Variants in RBM5 observed in about 807,000 individuals in gnomAD.
RBM5 encodes RNA-binding protein 5.
RBM5 carries 15 observed loss-of-function variants against 124.6 expected under a neutral mutation model. That is an observed-to-expected ratio of 0.12 (90% CI 0.08 to 0.19). The LOEUF (loss-of-function observed/expected upper bound fraction) is 0.19, where lower values mean the gene tolerates loss of function less well. Among genes scored for constraint, RBM5 ranks in the 10% least tolerant of loss-of-function variants. RBM5 has a pLI of 1.00. For missense variants in RBM5, 580 were observed against 1,026.5 expected (o/e 0.57, Z 5.94); for synonymous variants, 337 against 361.2 (o/e 0.93, Z 0.76).
intron 2 of RBM5, among the ~76,000 whole-genome samples, chr3:50,091,746 T>C (rs528679884): frequency 2.0e-4 from 31 of 152,354 alleles, no homozygotes; most frequent in Admixed American, 1.3e-3. Flanking sequence ...ATGTAGACTC[T>C]AGGCTTGACA....
In RBM5 at chr3:50,093,711, G is replaced by A; in HGVS notation, c.184-9G>A. 1 of 1,610,046 alleles carries A rather than the reference G, an allele frequency of 6.2e-7. No individual in the cohort carries two copies. Among genetic ancestry groups the A allele is most frequent in the Non-Finnish European group, 8.5e-7 (1 of 1,176,790 alleles). On this transcript the variant is annotated splice_polypyrimidine_tract_variant and intron_variant, in intron 3 of 24. Transcript: ENST00000347869. ...GATGTTAATTGTGATTTTGTTTATT[G>A]TAACTCAGAGAGAGCGTGAAAGAAG... is the stretch of plus-strand genomic sequence containing the variant.
rs781643390 is a variant in RBM5, at chr3:50,118,468, A to G, written c.*12A>G. The G allele has an allele frequency of 1.2e-6, 2 of 1,612,718 alleles. No homozygotes were observed. The highest frequency in any genetic ancestry group is 1.7e-6 in the Non-Finnish European group (2 of 1,179,376). On this transcript the variant is annotated 3_prime_UTR_variant, in exon 25 of 25. Transcript: ENST00000347869. ...CTGAGATGGAGTGAGAGAGAGAGAGAGAGAGAGATGACAAGGAGCACAAGA... is the reference window on the plus strand; with the variant it reads ...CTGAGATGGAGTGAGAGAGAGAGAGGGAGAGAGATGACAAGGAGCACAAGA...
At chr3:50,107,670 T>TTA in intron 12 of RBM5, 101 bp downstream of exon 12, 3 of 458,554 alleles carry the variant, frequency 6.5e-6, no homozygotes, top group Non-Finnish European at 1.1e-5. Context: ...CTCTTTTCTT[T>TTA]TCTTTTTTTT....
At chr3:50,112,041 A>G (rs1158081803) in intron 17 of RBM5, 5 of 135,048 alleles carry the variant, frequency 3.7e-5, no homozygotes, top group Non-Finnish European at 8.0e-5. Flanking sequence ...AAGCCTGGCC[A>G]TTTATTTCCC....
At position 50,115,928 on chromosome 3, in the gene RBM5, G is replaced by A; in HGVS notation, c.2042G>A (p.Arg681Gln). Residue 681 changes from arginine to glutamine, a missense_variant, in exon 22 of 25, where the codon CGA becomes CAA. Physicochemically the swap from Arg to Gln is conservative, Grantham distance 43. Around this residue, in one of 6 missense-constraint regions of RBM5, gnomAD observed 234 missense variants for 435.1 expected, o/e 0.54. Coordinates refer to ENST00000347869, the MANE Select transcript of RBM5 (RefSeq NM_005778.4). ...LHKQNMDIYR[R>Q]SRLSEQELEA... ...TAGCAAAACATGGACATCTATCGAC[G>A]ATCCAGGCTGAGCGAGCAGGAGCTG... 6.2e-7 allele frequency: 1 copy of A among 1,613,868 alleles called. No homozygotes were observed. The highest frequency in any genetic ancestry group is 1.1e-5 in the South Asian group (1 of 91,078).
chr3:50,094,946 C>T (rs2090781746), intron 4 of RBM5, among the ~76,000 whole-genome samples: 1 of 152,142 alleles, frequency 6.6e-6, no homozygotes, highest in Non-Finnish European at 1.5e-5. Flanking sequence ...CCTGTAATCC[C>T]AGGCACTTTG....
intron 4 of RBM5, among the ~76,000 whole-genome samples, chr3:50,097,154 A>T (rs908627240): frequency 1.3e-5 from 2 of 151,898 alleles, no homozygotes; most frequent in African/African-American, 4.8e-5. Context: ...CCAGCACTTT[A>T]GGATTCTGAG....
chr3:50,109,210 A>G (rs1167489095), intron 14 of RBM5, among the ~76,000 whole-genome samples: 1 of 152,084 alleles, frequency 6.6e-6, no homozygotes, highest in Non-Finnish European at 1.5e-5. Context: ...AGTAGCTGGA[A>G]CTACAGGTGC....
At position 50,118,377 on chromosome 3, in the gene RBM5, C is replaced by T. The variant is rs2091297018; in HGVS notation, c.2369C>T (p.Ala790Val). 6.2e-7 allele frequency: 1 copy of T among 1,614,140 alleles called. No individual in the cohort carries two copies. Among genetic ancestry groups the T allele is most frequent in the Non-Finnish European group, 8.5e-7 (1 of 1,180,040 alleles). ...KGAGLGAKGSAYGLSGADSYK... is the reference protein window; with the variant it reads ...KGAGLGAKGSVYGLSGADSYK... ...GCTGGCCTAGGAGCCAAAGGCAGCG[C>T]ATATGGTTTGTCGGGCGCCGATTCC... The change falls in exon 25 of 25, where the codon GCA becomes GTA. Residue 790 changes from alanine (A) to valine (V), a missense_variant. Coordinates refer to ENST00000347869, the MANE Select transcript of RBM5 (RefSeq NM_005778.4).
chr3:50,103,530 C>G (rs2090979120), intron 7 of RBM5, among the ~76,000 whole-genome samples: 2 of 152,046 alleles, frequency 1.3e-5, no homozygotes, highest in Admixed American at 1.3e-4. Flanking sequence ...GCCTGTAATC[C>G]CAGCTACTCG....
rs1438905877 is a variant in RBM5, at chr3:50,109,640, C to T, written c.1230C>T (p.Ser410=). The T allele has an allele frequency of 1.2e-6, 2 of 1,614,048 alleles. No homozygotes were observed. Among genetic ancestry groups the T allele is most frequent in the South Asian group, 1.1e-5 (1 of 91,070 alleles). The part of the protein sequence containing the change: ...AVTTTSAAVV[S]QSPQLYNQTS... ...CCACCACCTCAGCGGCTGTAGTGTC[C>T]CAGAGTCCTCAGCTGTATAATCAAA... The change falls in exon 15 of 25, where the codon TCC becomes TCT. Residue 410 remains serine, a synonymous_variant. Transcript: ENST00000347869.
At chr3:50,101,726 A>G (rs886482200) in intron 6 of RBM5, 1 of 152,196 alleles carries the variant, frequency 6.6e-6, no homozygotes, top group South Asian at 2.1e-4. Context: ...CTAAGAAACT[A>G]AAACCTGTAA....
chr3:50,115,104 G>T (rs2091220682), intron 20 of RBM5: 1 of 228,286 alleles, frequency 4.4e-6, no homozygotes, highest in Non-Finnish European at 8.5e-6. Flanking sequence ...GGAGGTGGAG[G>T]TTGCAGTGAG....
At chr3:50,107,358 T>G in intron 11 of RBM5, 124 bp from the exon 12 acceptor site, 2 of 760,286 alleles carry the variant, frequency 2.6e-6, no homozygotes, top group Non-Finnish European at 4.6e-6. Flanking sequence ...CCTCCCCCTG[T>G]GAAATGTGGC....
intron 6 of RBM5, chr3:50,101,795 T>TA (rs1275563130): frequency 6.6e-6 from 1 of 152,222 alleles, no homozygotes; most frequent in Non-Finnish European, 1.5e-5. Flanking sequence ...GTGTAACACA[T>TA]TACAGTTCAA....
At position 50,098,229 on chromosome 3, in the gene RBM5, G is replaced by A. The variant is rs116955797; in HGVS notation, c.340-1753G>A. On this transcript the variant is annotated intron_variant, in intron 4 of 24. Coordinates refer to ENST00000347869, the MANE Select transcript of RBM5 (RefSeq NM_005778.4). ...TAGGCGTACTTCAGGGCACAGTGAC[G>A]CATCCACTGCCTCTTTTAAATCTCA... is the stretch of plus-strand genomic sequence containing the variant. 1.4e-4 allele frequency among the ~76,000 whole-genome samples: 21 copies of A among 152,164 alleles called. No individual in the cohort carries two copies. In the East Asian group the frequency reaches 2.3e-3, roughly 17 times the overall value.
intron 11 of RBM5, among the ~76,000 whole-genome samples, chr3:50,107,238 T>C (rs1052637719): frequency 6.6e-6 from 1 of 152,202 alleles, no homozygotes; most frequent in Non-Finnish European, 1.5e-5. Flanking sequence ...ATTTCCCTTT[T>C]TTTAGTATCA....
At chr3:50,098,046 G>A (rs1187403010) in intron 4 of RBM5, among the ~76,000 whole-genome samples, 1 of 152,210 alleles carries the variant, frequency 6.6e-6, no homozygotes, top group African/African-American at 2.4e-5. Flanking sequence ...GCAGTGAGCC[G>A]AGATCATGCC....
chr3:50,114,777 A>T (rs2091212429), intron 20 of RBM5: 1 of 154,892 alleles, frequency 6.5e-6, no homozygotes, highest in African/African-American at 2.4e-5. Flanking sequence ...AGCCCAGGAG[A>T]TCAAGGCTGC....
Sources: gnomAD v4.1 joint callset for allele counts (sites outside exome capture counted in the v4.1 genomes callset) on GRCh38, gnomAD v4.1.1 for gene constraint, gnomAD v4.1.1 regional missense constraint, MANE v1.5 for transcripts, NCBI Gene and HGNC (gene_info 2026-07-23, HGNC 2026-07-21) for gene names.